Variants in GLMN observed in about 807,000 individuals in gnomAD.
The protein encoded by GLMN is glomulin, FKBP associated protein.
Under a neutral mutation model 87.8 loss-of-function variants are expected in GLMN, and 75 were observed. The observed-to-expected ratio is 0.85, with a 90% CI of 0.71 to 1.04. The LOEUF (loss-of-function observed/expected upper bound fraction) is 1.04, where lower values mean the gene tolerates loss of function less well. Ranked by LOEUF, GLMN falls within the 50% of genes least tolerant of loss-of-function variation. The pLI, the probability that GLMN is intolerant of heterozygous loss-of-function variation, is 0.00. For missense variants in GLMN, 588 were observed against 658.8 expected, an observed-to-expected ratio of 0.89 and a Z score of 1.18; for synonymous variants, 206 against 221.6, an observed-to-expected ratio of 0.93 and a Z score of 0.63.
intron 16 of GLMN, among the ~76,000 whole-genome samples, chr1:92,250,972 C>A (rs913127815): frequency 6.6e-6 from 1 of 152,112 alleles, no homozygotes; most frequent in Non-Finnish European, 1.5e-5. Flanking sequence ...TTTCTTTGTG[C>A]CCCTTTGTAG....
chr1:92,335,096 G>C, the GLMN span, among the ~76,000 whole-genome samples: 1 of 152,276 alleles, frequency 6.6e-6, no homozygotes, highest in Middle Eastern at 3.4e-3. Context: ...AGTGAGCTAT[G>C]ATTATGCTCG....
intron 10 of GLMN, 23 bp downstream of exon 10, chr1:92,268,082 T>C: frequency 6.9e-7 from 1 of 1,447,220 alleles, no homozygotes. Flanking sequence ...GTATTTAAGT[T>C]ATAATGGGAA....
At chr1:92,367,247 A>G in the GLMN span, among the ~76,000 whole-genome samples, 3 of 152,342 alleles carry the variant, frequency 2.0e-5, no homozygotes, top group South Asian at 6.2e-4. Flanking sequence ...ATATAACCGT[A>G]TAGCCTCCTA....
At chr1:92,308,858 G>C in the GLMN span, among the ~76,000 whole-genome samples, 2 of 152,124 alleles carry the variant, frequency 1.3e-5, no homozygotes, top group Admixed American at 6.6e-5. Context: ...TACTCAGGAG[G>C]CTGAGGCAGG....
the GLMN span, among the ~76,000 whole-genome samples, chr1:92,364,821 C>T: frequency 5.9e-5 from 9 of 151,742 alleles, no homozygotes; most frequent in Non-Finnish European, 1.5e-5. Flanking sequence ...ACTAGTCCAT[C>T]CTTCCCTCTA....
chr1:92,301,456 G>A (rs1397558267), upstream of GLMN: 1 of 1,341,986 alleles, frequency 7.5e-7, no homozygotes, highest in Admixed American at 1.9e-5. Context: ...AGTAGATTAA[G>A]TTTCTCTTTC....
At chr1:92,303,681 T>A (rs1254098252), upstream of GLMN, among the ~76,000 whole-genome samples, 2 of 152,228 alleles carry the variant, frequency 1.3e-5, no homozygotes, top group East Asian at 3.8e-4. Flanking sequence ...AGCTATAGCA[T>A]CACTTCTTCC....
the GLMN span, among the ~76,000 whole-genome samples, chr1:92,323,061 CTTTATATATATA>C: frequency 4.9e-5 from 7 of 143,256 alleles, no homozygotes; most frequent in Non-Finnish European, 1.1e-4. Flanking sequence ...TATATATATA[CTTTATATATATA>C]TTTATATATA....
intron 7 of GLMN, among the ~76,000 whole-genome samples, chr1:92,282,817 TAC>T (rs1464402024): frequency 2.6e-5 from 4 of 152,114 alleles, no homozygotes; most frequent in Non-Finnish European, 5.9e-5. Flanking sequence ...CCCACAGAAA[TAC>T]AAACTACCAT....
intron 16 of GLMN, among the ~76,000 whole-genome samples, chr1:92,253,840 C>A (rs1653865693): frequency 1.3e-5 from 2 of 152,164 alleles, no homozygotes; most frequent in Admixed American, 1.3e-4. Context: ...GCTGAAAATT[C>A]CAAGCACACG....
the GLMN span, among the ~76,000 whole-genome samples, chr1:92,320,317 GGCT>G: frequency 2.0e-5 from 3 of 151,968 alleles, no homozygotes; most frequent in Non-Finnish European, 4.4e-5. Flanking sequence ...TCTGTCGCCA[GGCT>G]GGAGTGCAGT....
chr1:92,284,385 TAATA>T (rs1279654137), intron 7 of GLMN, among the ~76,000 whole-genome samples: 1 of 152,176 alleles, frequency 6.6e-6, no homozygotes, highest in African/African-American at 2.4e-5. Context: ...ATTCCCTATT[TAATA>T]AATGGTGCTG....
upstream of GLMN, chr1:92,303,938 A>G (rs779458636): frequency 1.6e-5 from 22 of 1,411,730 alleles, no homozygotes; most frequent in Non-Finnish European, 2.2e-5. Flanking sequence ...GAACTTTTCT[A>G]TTAAACTAGG....
At chr1:92,252,714 A>G (rs1258724334) in intron 16 of GLMN, among the ~76,000 whole-genome samples, 1 of 152,216 alleles carries the variant, frequency 6.6e-6, no homozygotes, top group Non-Finnish European at 1.5e-5. Flanking sequence ...TTAAAGAAAT[A>G]ATAAATACTA....
In GLMN at chr1:92,247,860, A is replaced by C. The variant is rs989775612; in HGVS notation, c.1585+18T>G. 1 of 910,378 alleles carries C rather than the reference A, an allele frequency of 1.1e-6. No homozygotes were observed. Among genetic ancestry groups the C allele is most frequent in the Non-Finnish European group, 1.9e-6 (1 of 539,840 alleles). The allele number at this position is 910,378 out of a possible 1,614,324, so 56.4% of individuals were successfully genotyped here. A position where few individuals can be genotyped will look rare whatever the true frequency, so the allele number is the denominator to read the frequency against. ...TACTTTTTAGACCTAATTGAAAACA[A>C]AATTGCACATTACCAACCTTGGCTA... On this transcript the variant is annotated intron_variant, in intron 17 of 18. Coordinates refer to ENST00000370360, the MANE Select transcript of GLMN (RefSeq NM_053274.3).
chr1:92,271,597 C>G lies in GLMN; in HGVS notation c.791G>C (p.Arg264Thr). The change falls in exon 8 of 19, where the codon AGG becomes ACG. Residue 264 changes from arginine (R) to threonine (T), a missense_variant. Coordinates refer to ENST00000370360, the MANE Select transcript of GLMN (RefSeq NM_053274.3). The part of the protein sequence containing the change: ...PFPKMIFNHG[R>T]KKRTWNYLEF... ...AAGGTAATTCCAAGTTCTCTTTTTC[C>G]TTCCATGATTAAAAATCATTTTGGG... is the stretch of plus-strand genomic sequence containing the variant. 6.2e-7 allele frequency: 1 copy of G among 1,612,400 alleles called. No homozygotes were observed.
the GLMN span, chr1:92,324,510 T>C: frequency 1.4e-6 from 1 of 717,236 alleles, no homozygotes; most frequent in South Asian, 2.1e-5. Context: ...ATTCTGCCTT[T>C]TGGTTTACAG....
At chr1:92,309,572 TATACATATACATAC>T in the GLMN span, among the ~76,000 whole-genome samples, 5 of 24,482 alleles carry the variant, frequency 2.0e-4, no homozygotes, top group East Asian at 7.7e-3. Flanking sequence ...CACATACACA[TATACATATACATAC>T]ACATACACAT....
chr1:92,292,354 C>A (rs1649502995), intron 3 of GLMN, among the ~76,000 whole-genome samples: 1 of 152,024 alleles, frequency 6.6e-6, no homozygotes, highest in Non-Finnish European at 1.5e-5. Flanking sequence ...GAGTTTGAGA[C>A]CAGCCTGGGC....
Sources: allele counts gnomAD v4.1 joint callset (sites outside exome capture counted in the v4.1 genomes callset), GRCh38; gene constraint gnomAD v4.1.1; transcripts MANE v1.5; gene names NCBI Gene and HGNC (gene_info 2026-07-23, HGNC 2026-07-21).